KLRG1: variants seen among roughly 807,000 people sequenced by gnomAD.
KLRG1 encodes the protein killer cell lectin-like receptor subfamily G member 1.
In KLRG1, 16 loss-of-function variants were observed where a neutral mutation model predicts 21.8. The ratio of observed to expected loss-of-function variants is 0.73; its 90% CI spans 0.50 to 1.11. The LOEUF is 1.11. KLRG1 is among the 50% of genes most tolerant of loss of function. The probability of loss-of-function intolerance (pLI) is 0.00; values close to 1 mark genes in which losing one functional copy is unlikely to be tolerated. For missense variants in KLRG1, 173 were observed against 218.3 expected (o/e 0.79, Z 1.31); for synonymous variants, 69 against 75.9 (o/e 0.91, Z 0.47).
chr12:9,080,238 G>T, the KLRG1 span: 1 of 1,180,852 alleles, frequency 8.5e-7, no homozygotes, highest in Non-Finnish European at 1.2e-6. Context: ...TTTCTAAACA[G>T]CTCTATGACC....
chr12:9,181,434 G>A, the KLRG1 span, among the ~76,000 whole-genome samples: 1 of 152,172 alleles, frequency 6.6e-6, no homozygotes, highest in Non-Finnish European at 1.5e-5. Context: ...CTACTCCAGT[G>A]ATCAAAAGTG....
At chr12:9,081,178 T>C in the KLRG1 span, among the ~76,000 whole-genome samples, 1 of 151,942 alleles carries the variant, frequency 6.6e-6, no homozygotes, top group Non-Finnish European at 1.5e-5. Context: ...AAAAAACTAC[T>C]CAAAAGACAA....
the KLRG1 span, among the ~76,000 whole-genome samples, chr12:9,053,749 C>G: frequency 6.6e-6 from 1 of 152,140 alleles, no homozygotes; most frequent in Non-Finnish European, 1.5e-5. Flanking sequence ...ATCGTAGTTC[C>G]CCTTAACTGC....
the KLRG1 span, among the ~76,000 whole-genome samples, chr12:9,025,500 GT>G: frequency 6.6e-6 from 1 of 152,146 alleles, no homozygotes; most frequent in Non-Finnish European, 1.5e-5. Flanking sequence ...AGCTGAGCAC[GT>G]TAGCACATGC....
chr12:9,206,969 C>T, the KLRG1 span, among the ~76,000 whole-genome samples: 1 of 152,086 alleles, frequency 6.6e-6, no homozygotes, highest in Non-Finnish European at 1.5e-5. Context: ...GGATGGAGAG[C>T]AGCTGGAAGT....
chr12:9,027,030 TA>T, the KLRG1 span, among the ~76,000 whole-genome samples: 1 of 151,830 alleles, frequency 6.6e-6, no homozygotes, highest in African/African-American at 2.4e-5. Context: ...TTTTTTTTTT[TA>T]ATTGACAAAT....
At chr12:8,989,004 A>T (rs1946893717), upstream of KLRG1, among the ~76,000 whole-genome samples, 1 of 152,224 alleles carries the variant, frequency 6.6e-6, no homozygotes, top group Non-Finnish European at 1.5e-5. Flanking sequence ...TAAAAAAAAT[A>T]AGACAACAAA....
chr12:9,176,547 G>A, the KLRG1 span, among the ~76,000 whole-genome samples: 1 of 152,188 alleles, frequency 6.6e-6, no homozygotes, highest in Admixed American at 6.5e-5. Flanking sequence ...ATGAACTTAT[G>A]CCATTATATT....
the KLRG1 span, among the ~76,000 whole-genome samples, chr12:9,171,114 G>C: frequency 2.0e-5 from 3 of 152,322 alleles, no homozygotes; most frequent in Admixed American, 2.0e-4. Context: ...CAACAAGTTA[G>C]TACCCCCACA....
the KLRG1 span, among the ~76,000 whole-genome samples, chr12:9,136,147 T>A: frequency 2.0e-5 from 3 of 152,324 alleles, no homozygotes; most frequent in East Asian, 5.8e-4. Flanking sequence ...AAGTAGCAAG[T>A]GACCAGAATC....
At chr12:9,155,355 G>A in the KLRG1 span, among the ~76,000 whole-genome samples, 4 of 151,976 alleles carry the variant, frequency 2.6e-5, no homozygotes, top group Non-Finnish European at 4.4e-5. Context: ...CTCTTCCAGA[G>A]TTAACTACTT....
the KLRG1 span, among the ~76,000 whole-genome samples, chr12:9,057,180 A>T: frequency 2.6e-5 from 4 of 152,306 alleles, no homozygotes; most frequent in African/African-American, 9.6e-5. Flanking sequence ...GGTTTACCAC[A>T]CTTTTATTGC....
the KLRG1 span, chr12:9,110,108 A>C: frequency 6.7e-7 from 1 of 1,494,114 alleles, no homozygotes. Flanking sequence ...ATCTATGGAA[A>C]CCCTAAGTTA....
chr12:8,964,950 T>C (rs1431606517), intron 1 of KLRG1, among the ~76,000 whole-genome samples: 1 of 152,138 alleles, frequency 6.6e-6, no homozygotes, highest in African/African-American at 2.4e-5. Flanking sequence ...GAGATGGGTT[T>C]CCGGAATACA....
At chr12:9,210,111 T>C in the KLRG1 span, among the ~76,000 whole-genome samples, 1 of 152,138 alleles carries the variant, frequency 6.6e-6, no homozygotes. Flanking sequence ...TGTATGTACA[T>C]CTTGAAATCT....
the KLRG1 span, among the ~76,000 whole-genome samples, chr12:9,214,152 T>C: frequency 2.0e-5 from 3 of 152,024 alleles, no homozygotes; most frequent in African/African-American, 7.2e-5. Context: ...AATGTGTGGA[T>C]TTATTTATGG....
At chr12:9,044,037 C>G in the KLRG1 span, among the ~76,000 whole-genome samples, 1 of 152,166 alleles carries the variant, frequency 6.6e-6, no homozygotes, top group Non-Finnish European at 1.5e-5. Flanking sequence ...AAAAATCATC[C>G]AGGTAAGCCA....
the KLRG1 span, among the ~76,000 whole-genome samples, chr12:9,076,183 T>TA: frequency 6.6e-6 from 1 of 152,230 alleles, no homozygotes; most frequent in Non-Finnish European, 1.5e-5. Flanking sequence ...GGTTATATAA[T>TA]GTACCAGGTA....
the KLRG1 span, among the ~76,000 whole-genome samples, chr12:9,211,775 G>T: frequency 6.6e-6 from 1 of 152,210 alleles, no homozygotes; most frequent in African/African-American, 2.4e-5. Flanking sequence ...CTCCTGTTGG[G>T]TTCCCAGGAT....
Sources: gnomAD v4.1 joint callset for allele counts (sites outside exome capture counted in the v4.1 genomes callset) on GRCh38, gnomAD v4.1.1 for gene constraint, MANE v1.5 for transcripts, NCBI Gene and HGNC (gene_info 2026-07-23, HGNC 2026-07-21) for gene names.